Variants in CELSR1 observed in about 807,000 individuals in gnomAD.
CELSR1 encodes adhesion G protein-coupled receptor C1.
CELSR1 carries 110 observed loss-of-function variants against 249.1 expected under a neutral mutation model. That is an observed-to-expected ratio of 0.44 (90% CI 0.38 to 0.52). The LOEUF is 0.52. CELSR1 is among the 20% of genes least tolerant of loss of function. The pLI is 0.00. For synonymous variants in CELSR1, 2,113 were observed against 1,900.0 expected, an observed-to-expected ratio of 1.11 and a Z score of -2.92; for missense variants, 4,109 against 4,296.4, an observed-to-expected ratio of 0.96 and a Z score of 1.22.
rs775205028 is a variant in CELSR1, at chr22:46,433,825, C to T, written c.4523-344G>A. Among the ~76,000 whole-genome samples the T allele has an allele frequency of 1.2e-4, 18 of 152,170 alleles. No homozygotes were observed. The highest frequency in any genetic ancestry group is 1.9e-4 in the Non-Finnish European group (13 of 68,032). On this transcript the variant is annotated intron_variant, in intron 4 of 34. Transcript: ENST00000674500. The surrounding 1 kb of genome is among the most constrained non-coding windows in gnomAD (Gnocchi z 5.7). ...TCAGCCTCCTGAGTAGCTGGGATTA[C>T]AGGCACCCACCACCACACCCGGCTA... is the stretch of plus-strand genomic sequence containing the variant.
Position 46,535,115 on chromosome 22 carries a change from C to A in CELSR1, c.2056G>T (p.Val686Leu). Residue 686 changes from valine (V) to leucine (L), a missense_variant, in exon 1 of 35, where the codon GTG (valine) becomes TTG (leucine). This residue lies in a region of CELSR1 where 886 missense variants were observed against 896.5 expected (regional missense o/e 0.99). Transcript: ENST00000674500. ...TVLDVNDNDP[V>L]FTQPTYELRL... ...AGCTCGTAGGTGGGCTGCGTGAACA[C>A]CGGGTCGTTGTCATTCACGTCCAGC... 1.9e-6 allele frequency: 3 copies of A among 1,611,702 alleles called. No homozygotes were observed. The highest frequency in any genetic ancestry group is 1.3e-5 in the African/African-American group (1 of 75,042).
rs527670614 is a variant in CELSR1, at chr22:46,411,093, G to C, written c.4769+509C>G. Among the ~76,000 whole-genome samples the C allele has an allele frequency of 6.6e-6, 1 of 152,302 alleles. No homozygotes were observed. Among genetic ancestry groups the C allele is most frequent in the South Asian group, 2.1e-4 (1 of 4,816 alleles). On this transcript the variant is annotated intron_variant, in intron 6 of 34. Coordinates refer to ENST00000674500, the MANE Select transcript of CELSR1 (RefSeq NM_001378328.1). The surrounding 1 kb of genome is among the most constrained non-coding windows in gnomAD (Gnocchi z 4.2). Reference sequence around the variant, plus strand: ...GCATGCCTGTAGTCCCAGCTACTCGGGAGGCTGTGGCAGGAGGATGGCTTG... The same window carrying C: ...GCATGCCTGTAGTCCCAGCTACTCGCGAGGCTGTGGCAGGAGGATGGCTTG...
rs529981947 is a variant in CELSR1 at position 46,401,868 on chromosome 22, C to T, written c.5227-1966G>A. Among the ~76,000 whole-genome samples the T allele has an allele frequency of 2.2e-4, 34 of 152,110 alleles. No individual in the cohort carries two copies. Among genetic ancestry groups the T allele is most frequent in the Admixed American group, 4.6e-4 (7 of 15,268 alleles). On this transcript the variant is annotated intron_variant, in intron 9 of 34. Coordinates refer to ENST00000674500, the MANE Select transcript of CELSR1 (RefSeq NM_001378328.1). The surrounding 1 kb of genome is among the most constrained non-coding windows in gnomAD (Gnocchi z 4.7). ...TTGGGAGACCAAGGCGGGTGGATCA[C>T]CTGAGGTCAGGAGTTTGAGACCAGC... is the stretch of plus-strand genomic sequence containing the variant.
At chr22:46,523,399 G>A (rs2147797265) in intron 1 of CELSR1, among the ~76,000 whole-genome samples, 1 of 152,030 alleles carries the variant, frequency 6.6e-6, no homozygotes, top group East Asian at 1.9e-4. Flanking sequence ...TGTGGTAGCG[G>A]GCACCTGTAG....
chr22:46,487,368 A>C (rs997074953), intron 1 of CELSR1, among the ~76,000 whole-genome samples: 2 of 149,988 alleles, frequency 1.3e-5, no homozygotes, highest in Non-Finnish European at 3.0e-5. Flanking sequence ...AAGAAACTCT[A>C]ATTAAAATTG....
In CELSR1 at chr22:46,512,345, C is replaced by T. The variant is rs902297528; in HGVS notation, c.3544+21282G>A. ...CAGCACTTTGGGAGGCCAAGGCAGG[C>T]GGATCACATGAGGTCAGGAGATCGA... is the stretch of plus-strand genomic sequence containing the variant. On this transcript the variant is annotated intron_variant, in intron 1 of 34. Coordinates refer to ENST00000674500, the MANE Select transcript of CELSR1 (RefSeq NM_001378328.1). This position sits in a 1 kb window ranked among gnomAD's most constrained non-coding sequence, Gnocchi z 5.2. Among the ~76,000 whole-genome samples, 11 of 152,040 alleles carry T rather than the reference C, an allele frequency of 7.2e-5. No homozygotes were observed. Among genetic ancestry groups the T allele is most frequent in the Non-Finnish European group, 1.6e-4 (11 of 68,004 alleles).
chr22:46,523,527 C>CAAATAAATAAATAAAT (rs35618954), intron 1 of CELSR1, among the ~76,000 whole-genome samples: 3,745 of 143,552 alleles, frequency 0.026, 86 homozygotes, highest in African/African-American at 0.042. Context: ...GACTCTGTCT[C>CAAATAAATAAATAAAT]AAATAAATAA....
intron 1 of CELSR1, among the ~76,000 whole-genome samples, chr22:46,489,685 GGTGGATCACCTGA>G (rs2080348898): frequency 6.6e-6 from 1 of 152,060 alleles, no homozygotes; most frequent in Non-Finnish European, 1.5e-5. Context: ...GGCCGAGACA[GGTGGATCACCTGA>G]GGTCAGGAGT....
chr22:46,497,678 A>T (rs1363296873), intron 1 of CELSR1, among the ~76,000 whole-genome samples: 1 of 152,082 alleles, frequency 6.6e-6, no homozygotes, highest in East Asian at 1.9e-4. Context: ...TTTTTTTCCA[A>T]ATAAGTCATG....
Position 46,536,564 on chromosome 22 carries a change from C to T in CELSR1, c.607G>A (p.Ala203Thr). 7.6e-7 allele frequency: 1 copy of T among 1,314,600 alleles called. No individual in the cohort carries two copies. The highest frequency in any genetic ancestry group is 9.6e-7 in the Non-Finnish European group (1 of 1,037,968). 81.4% of individuals were successfully genotyped at this position (1,314,600 alleles called of 1,614,324 possible). A position where few individuals can be genotyped will look rare whatever the true frequency, so the allele number is the denominator to read the frequency against. Residue 203 changes from alanine (A) to threonine (T), a missense_variant, in exon 1 of 35, where the codon GCC (alanine) becomes ACC (threonine). Ala to Thr is a moderately conservative substitution (Grantham distance 58). Transcript: ENST00000674500. ...GACGCGGAGGGCGTCCCCGCGGTGGCGGCCTCCAGCGCCAGTCCCACCCGG... is the reference window on the plus strand; with the variant it reads ...GACGCGGAGGGCGTCCCCGCGGTGGTGGCCTCCAGCGCCAGTCCCACCCGG... ...AVRVGLALEA[A>T]TAGTPSASPS...
At position 46,433,183 on chromosome 22, in the gene CELSR1, C is replaced by T. The variant is rs1171368408; in HGVS notation, c.4611+210G>A. Among the ~76,000 whole-genome samples the T allele has an allele frequency of 2.6e-5, 4 of 152,132 alleles. No individual in the cohort carries two copies. Among genetic ancestry groups the T allele is most frequent in the South Asian group, 2.1e-4 (1 of 4,824 alleles). ...CTGGGATTACAGGCACCCGCCACCA[C>T]GCCCGGCTAATTTTTTAATTTTTGT... On this transcript the variant is annotated intron_variant, in intron 5 of 34. Transcript: ENST00000674500. The surrounding 1 kb of genome is among the most constrained non-coding windows in gnomAD (Gnocchi z 5.7).
At chr22:46,397,552 AG>A in intron 12 of CELSR1, 121 bp downstream of exon 12, 2 of 894,014 alleles carry the variant, frequency 2.2e-6, no homozygotes, top group Non-Finnish European at 3.1e-6. Context: ...AATAAAGCTC[AG>A]GGCTCCACGG....
chr22:46,367,906 T>TCCTC, intron 27 of CELSR1, 51 bp from the exon 28 acceptor site: 3 of 1,561,890 alleles, frequency 1.9e-6, no homozygotes, highest in Middle Eastern at 2.3e-4. Context: ...CCTGCTCCCT[T>TCCTC]CCTCCCTCCC....
At chr22:46,424,720 C>T (rs1400540948) in intron 5 of CELSR1, among the ~76,000 whole-genome samples, 1 of 152,186 alleles carries the variant, frequency 6.6e-6, no homozygotes, top group African/African-American at 2.4e-5. Context: ...TGCCTGTAAT[C>T]CCAACACTTT....
intron 23 of CELSR1, 79 bp downstream of exon 23, chr22:46,378,512 G>A (rs1036954417): frequency 1.3e-5 from 20 of 1,485,026 alleles, no homozygotes; most frequent in East Asian, 1.2e-4. Flanking sequence ...CAGGTTTGGC[G>A]GGGAGGTGCA....
In CELSR1 at chr22:46,363,951, A is replaced by AG. The variant is rs1196753808; in HGVS notation, c.9035+44dup. On this transcript the variant is annotated intron_variant, in intron 34 of 34. Coordinates refer to ENST00000674500, the MANE Select transcript of CELSR1 (RefSeq NM_001378328.1). The surrounding 1 kb of genome is among the most constrained non-coding windows in gnomAD (Gnocchi z 4.3). ...CCCCTCTCTCTCCTGACTCAGGACA[A>AG]GGGGGAAGTGGGTGATCCCCGCCCT... 9 of 1,528,302 alleles carry AG rather than the reference A, an allele frequency of 5.9e-6. No homozygotes were observed. Among genetic ancestry groups the AG allele is most frequent in the Non-Finnish European group, 7.0e-6 (8 of 1,138,184 alleles). The allele number at this position is 1,528,302 out of a possible 1,614,324, so 94.7% of individuals were successfully genotyped here. A position where few individuals can be genotyped will look rare whatever the true frequency, so the allele number is the denominator to read the frequency against.
intron 1 of CELSR1, chr22:46,530,601 T>G (rs1031578824): frequency 2.6e-5 from 4 of 152,186 alleles, no homozygotes; most frequent in Non-Finnish European, 4.4e-5. Flanking sequence ...AATGAACATC[T>G]TGTATCGCTG....
rs188229273 is a variant in CELSR1, at chr22:46,409,590, C to G, written c.5059+165G>C. On this transcript the variant is annotated intron_variant, in intron 8 of 34. Coordinates refer to ENST00000674500, the MANE Select transcript of CELSR1 (RefSeq NM_001378328.1). The surrounding 1 kb of genome is among the most constrained non-coding windows in gnomAD (Gnocchi z 9.8). Reference sequence around the variant, plus strand: ...GCAGGAGCAGGGGCTCTGCGGAGGACAGTCTCTTGGAGAGGGCGGTGTGAG... The same window carrying G: ...GCAGGAGCAGGGGCTCTGCGGAGGAGAGTCTCTTGGAGAGGGCGGTGTGAG... 4.6e-5 allele frequency among the ~76,000 whole-genome samples: 7 copies of G among 152,228 alleles called. No homozygotes were observed. In the East Asian group the frequency reaches 1.4e-3, roughly 30 times the overall value.
intron 9 of CELSR1, among the ~76,000 whole-genome samples, chr22:46,405,368 G>A (rs2079253924): frequency 6.6e-6 from 1 of 150,920 alleles, no homozygotes; most frequent in Non-Finnish European, 1.5e-5. Context: ...GCTGAGGCAG[G>A]AGAATGGCGT....
Sources: allele counts gnomAD v4.1 joint callset (sites outside exome capture counted in the v4.1 genomes callset), GRCh38; gene constraint gnomAD v4.1.1; regional missense constraint gnomAD v4.1.1; non-coding constraint Gnocchi (gnomAD v3.1); transcripts MANE v1.5; gene names NCBI Gene and HGNC (gene_info 2026-07-23, HGNC 2026-07-21).